Variants in TTLL9 observed in about 807,000 individuals in gnomAD.
TTLL9 encodes probable tubulin polyglutamylase TTLL9.
A neutral mutation model predicts 65.6 loss-of-function variants in TTLL9; 47 were observed. The observed-to-expected ratio is 0.72, with a 90% CI of 0.57 to 0.91. TTLL9 has a LOEUF of 0.91. TTLL9 is among the 40% of genes least tolerant of loss of function. The pLI, the probability that TTLL9 is intolerant of heterozygous loss-of-function variation, is 0.00. For synonymous variants in TTLL9, 179 were observed against 204.8 expected (o/e 0.87, Z 1.07); for missense variants, 537 against 568.8 (o/e 0.94, Z 0.57).
At chr20:31,907,869 AT>A (rs1321270172) in intron 4 of TTLL9, among the ~76,000 whole-genome samples, 1 of 152,210 alleles carries the variant, frequency 6.6e-6, no homozygotes, top group East Asian at 1.9e-4. Context: ...TTACTTAAAA[AT>A]AATTGTGAAC....
chr20:31,932,404 G>A (rs1297897882), intron 10 of TTLL9, among the ~76,000 whole-genome samples: 4 of 144,532 alleles, frequency 2.8e-5, no homozygotes, highest in Non-Finnish European at 4.5e-5. Context: ...CCCAGGAGGC[G>A]GAGGTTGCAG....
intron 3 of TTLL9, among the ~76,000 whole-genome samples, chr20:31,890,157 C>CTTTCT (rs2063282401): frequency 1.0e-5 from 1 of 99,764 alleles, no homozygotes; most frequent in African/African-American, 4.2e-5. Flanking sequence ...TTCCTTCCTT[C>CTTTCT]TTTCTTTCTT....
Position 31,926,092 on chromosome 20 carries a change from G to A in TTLL9, c.748+1G>A, listed in dbSNP as rs1442283077. 6.3e-7 allele frequency: 1 copy of A among 1,594,124 alleles called. No homozygotes were observed. The highest frequency in any genetic ancestry group is 1.3e-5 in the African/African-American group (1 of 74,662). ...CTGTGGTCTGGGCACAGGAGACAGGGTATGAGATAGGTCTGGTCCCTTCCC... is the reference window on the plus strand; with the variant it reads ...CTGTGGTCTGGGCACAGGAGACAGGATATGAGATAGGTCTGGTCCCTTCCC... On this transcript the variant is annotated splice_donor_variant, in intron 10 of 14. Transcript: ENST00000535842. LOFTEE classifies it high-confidence loss of function.
At chr20:31,921,895 C>T (rs2063821184) in intron 7 of TTLL9, among the ~76,000 whole-genome samples, 1 of 152,040 alleles carries the variant, frequency 6.6e-6, no homozygotes, top group South Asian at 2.1e-4. Flanking sequence ...ATGGGTGCAG[C>T]ACACCAACAT....
chr20:31,873,100 T>G (rs1416942493), intron 2 of TTLL9: 4 of 490,318 alleles, frequency 8.2e-6, no homozygotes, highest in African/African-American at 5.9e-5. Flanking sequence ...AAGAAGGGGA[T>G]GGACTCAGCA....
At chr20:31,935,822 A>AC (rs1303434755) in intron 12 of TTLL9, among the ~76,000 whole-genome samples, 1 of 152,108 alleles carries the variant, frequency 6.6e-6, no homozygotes, top group Admixed American at 6.5e-5. Flanking sequence ...GCCTGCTGAG[A>AC]CCCCTAAACA....
chr20:31,915,972 T>C (rs1304504887), intron 6 of TTLL9, among the ~76,000 whole-genome samples: 1 of 152,204 alleles, frequency 6.6e-6, no homozygotes, highest in Non-Finnish European at 1.5e-5. Context: ...AGCCCCCAGC[T>C]TGGACAGTGC....
intron 3 of TTLL9, among the ~76,000 whole-genome samples, chr20:31,894,095 G>GTTT (rs2063348536): frequency 1.7e-5 from 2 of 118,900 alleles, no homozygotes; most frequent in African/African-American, 6.1e-5. Context: ...TTTCCATTTG[G>GTTT]TTCTTTTTTT....
chr20:31,908,563 T>C, intron 4 of TTLL9, 28 bp from the exon 5 acceptor site: 1 of 1,569,926 alleles, frequency 6.4e-7, no homozygotes, highest in South Asian at 1.1e-5. Context: ...GACCATGACC[T>C]TTATCCCCGC....
chr20:31,872,731 G>T lies in TTLL9; in HGVS notation c.69+1536G>T, dbSNP rs191309740. ...AACACACACGAAAAAGAAAAAGAGT[G>T]GAGAGAGTATTTCCAGCAGAAGGAA... On this transcript the variant is annotated intron_variant, in intron 2 of 14. Transcript: ENST00000535842. Among the ~76,000 whole-genome samples, 52 of 152,214 alleles carry T rather than the reference G, an allele frequency of 3.4e-4. 1 individual carries two copies. In the East Asian group the frequency reaches 9.5e-3, roughly 28 times the overall value.
intron 10 of TTLL9, among the ~76,000 whole-genome samples, chr20:31,926,979 G>T (rs1253973991): frequency 6.6e-6 from 1 of 151,864 alleles, no homozygotes; most frequent in East Asian, 1.9e-4. Context: ...GCCAGATGTG[G>T]TGTCACATGC....
chr20:31,884,053 G>T (rs1277895333), intron 2 of TTLL9: 6 of 545,062 alleles, frequency 1.1e-5, no homozygotes, highest in Non-Finnish European at 2.0e-5. Context: ...AAACTCAAAG[G>T]ATTTACAAAC....
chr20:31,916,243 T>C (rs991327352), intron 6 of TTLL9, among the ~76,000 whole-genome samples: 1 of 152,226 alleles, frequency 6.6e-6, no homozygotes, highest in African/African-American at 2.4e-5. Context: ...TGACCTGGCA[T>C]TGGAATTCAC....
chr20:31,890,006 C>CTTTCTT (rs2063268683), intron 3 of TTLL9, among the ~76,000 whole-genome samples: 1 of 139,564 alleles, frequency 7.2e-6, no homozygotes, highest in East Asian at 2.0e-4. Context: ...TTCTTTCTTT[C>CTTTCTT]TTTCTTTCTT....
At chr20:31,911,332 C>T (rs2063642603) in intron 6 of TTLL9, among the ~76,000 whole-genome samples, 1 of 152,188 alleles carries the variant, frequency 6.6e-6, no homozygotes, top group South Asian at 2.1e-4. Flanking sequence ...CTTATGTTTT[C>T]CAGGCCTGAG....
At chr20:31,921,222 A>T (rs2063811512) in intron 7 of TTLL9, among the ~76,000 whole-genome samples, 1 of 152,256 alleles carries the variant, frequency 6.6e-6, no homozygotes, top group Non-Finnish European at 1.5e-5. Context: ...ACATGAAAAA[A>T]TGCTCATCAT....
At chr20:31,899,513 A>G (rs1172274653) in intron 4 of TTLL9, among the ~76,000 whole-genome samples, 2 of 152,120 alleles carry the variant, frequency 1.3e-5, no homozygotes, top group African/African-American at 2.4e-5. Flanking sequence ...GTGTGCCTGT[A>G]GTCCCAGCTA....
chr20:31,893,475 G>A (rs1209917430), intron 3 of TTLL9, among the ~76,000 whole-genome samples: 1 of 151,930 alleles, frequency 6.6e-6, no homozygotes, highest in Non-Finnish European at 1.5e-5. Context: ...ATTTTTAGTA[G>A]AGACCAGATT....
At chr20:31,879,926 T>C in intron 2 of TTLL9, 1 of 1,529,938 alleles carries the variant, frequency 6.5e-7, no homozygotes, top group Non-Finnish European at 8.8e-7. Flanking sequence ...CAGATGCTTT[T>C]ATCGTCCCTA....
Sources: gnomAD v4.1 joint callset for allele counts (sites outside exome capture counted in the v4.1 genomes callset) on GRCh38, gnomAD v4.1.1 for gene constraint, MANE v1.5 for transcripts, NCBI Gene and HGNC (gene_info 2026-07-23, HGNC 2026-07-21) for gene names.